Variants in CCDC7 observed in about 807,000 individuals in gnomAD.
The protein encoded by CCDC7 is coiled-coil domain-containing protein 7.
Under a neutral mutation model 196.9 loss-of-function variants are expected in CCDC7, and 183 were observed. The observed-to-expected ratio is 0.93, with a 90% CI of 0.82 to 1.05. The LOEUF is 1.05. Among genes scored for constraint, CCDC7 ranks in the 50% least tolerant of loss-of-function variants. The pLI is 0.00. For missense variants in CCDC7, 1,540 were observed against 1,482.2 expected (o/e 1.04, Z -0.64); for synonymous variants, 525 against 484.6 (o/e 1.08, Z -1.10).
chr10:32,863,340 A>G (rs2094077351), intron 41 of CCDC7, among the ~76,000 whole-genome samples: 1 of 151,988 alleles, frequency 6.6e-6, no homozygotes, highest in African/African-American at 2.4e-5. Flanking sequence ...CAGAAATCCA[A>G]ATGTTTATGG....
rs144667460 is a variant in CCDC7, at chr10:32,725,228, C to T, written c.2570-1506C>T. 9.1e-4 allele frequency: 382 copies of T among 421,918 alleles called. 1 individual carries two copies. In the Middle Eastern group the frequency reaches 0.012, roughly 13 times the overall value. The allele number at this position is 421,918 out of a possible 1,614,324, so 26.1% of individuals were successfully genotyped here. A position where few individuals can be genotyped will look rare whatever the true frequency, so the allele number is the denominator to read the frequency against. ...CTTTTGTATTTTGAATCCTTTCTCT[C>T]GAAGCACCAACTGATTTATGCAGTT... On this transcript the variant is annotated intron_variant, in intron 25 of 41. Coordinates refer to ENST00000639629, the Ensembl canonical transcript of CCDC7.
intron 32 of CCDC7, among the ~76,000 whole-genome samples, chr10:32,828,559 A>AAGAAGAAAG (rs1565636072): frequency 1.5e-5 from 2 of 133,108 alleles, no homozygotes; most frequent in South Asian, 2.4e-4. Flanking sequence ...GAAGAAGAAG[A>AAGAAGAAAG]AAGAAGAAGA....
At chr10:32,822,942 C>T (rs1177970625) in intron 31 of CCDC7, among the ~76,000 whole-genome samples, 1 of 152,132 alleles carries the variant, frequency 6.6e-6, no homozygotes, top group African/African-American at 2.4e-5. Context: ...CTCTAAAATG[C>T]TCTACTCATT....
chr10:32,443,979 T>C (rs957303707), upstream of CCDC7, among the ~76,000 whole-genome samples: 1 of 152,232 alleles, frequency 6.6e-6, no homozygotes, highest in African/African-American at 2.4e-5. Flanking sequence ...TTCTTTAATT[T>C]CTCTCAGTAA....
chr10:32,526,007 G>A (rs1047889214), intron 11 of CCDC7, among the ~76,000 whole-genome samples: 12 of 152,184 alleles, frequency 7.9e-5, no homozygotes, highest in African/African-American at 2.7e-4. Context: ...TTCCTTCAGG[G>A]TGGTGTGTTC....
chr10:32,498,363 G>A (rs1022722874), intron 9 of CCDC7, among the ~76,000 whole-genome samples: 1 of 151,952 alleles, frequency 6.6e-6, no homozygotes, highest in Non-Finnish European at 1.5e-5. Context: ...TTTTGATTGC[G>A]GCATTTAGCT....
At chr10:32,671,054 A>G (rs2073966706) in intron 21 of CCDC7, among the ~76,000 whole-genome samples, 1 of 152,128 alleles carries the variant, frequency 6.6e-6, no homozygotes, top group Non-Finnish European at 1.5e-5. Context: ...GTTACAGTAA[A>G]CTCAGGTTAA....
chr10:32,544,362 T>C, intron 13 of CCDC7, 61 bp downstream of exon 14: 3 of 1,510,886 alleles, frequency 2.0e-6, no homozygotes, highest in Non-Finnish European at 2.7e-6. Flanking sequence ...GATAGTCATA[T>C]ATAGAGAAAC....
chr10:32,841,513 C>T (rs530555359), intron 33 of CCDC7, among the ~76,000 whole-genome samples: 76 of 151,184 alleles, frequency 5.0e-4, no homozygotes, highest in African/African-American at 1.6e-3. Context: ...AAATCCTAGA[C>T]GACACAAACA....
At chr10:32,820,907 T>C (rs11009099) in intron 31 of CCDC7, among the ~76,000 whole-genome samples, 15,747 of 151,622 alleles carry the variant, frequency 0.1, 1,028 homozygotes, top group South Asian at 0.25. Context: ...TAGGCATGGG[T>C]AAGGACTTCA....
At chr10:32,714,479 T>TG in intron 25 of CCDC7, among the ~76,000 whole-genome samples, 1 of 152,280 alleles carries the variant, frequency 6.6e-6, no homozygotes, top group African/African-American at 2.4e-5. Flanking sequence ...GGCAGCTGTT[T>TG]GGGCAGACAC....
chr10:32,610,034 G>A (rs9338799), intron 18 of CCDC7, among the ~76,000 whole-genome samples: 20,754 of 151,462 alleles, frequency 0.14, 1,687 homozygotes, highest in East Asian at 0.25. Context: ...GTATGAGTGT[G>A]TGTGTGTGTG....
intron 29 of CCDC7, among the ~76,000 whole-genome samples, chr10:32,790,122 G>T (rs192152229): frequency 1.4e-3 from 219 of 152,184 alleles, no homozygotes; most frequent in Middle Eastern, 0.014. Context: ...TCCCAGACTG[G>T]CATTACACCT....
upstream of CCDC7, among the ~76,000 whole-genome samples, chr10:32,448,632 A>C (rs2032104767): frequency 6.6e-6 from 1 of 152,054 alleles, no homozygotes; most frequent in Admixed American, 6.5e-5. Context: ...AAATGTGCTA[A>C]CAGGATACCA....
chr10:32,842,742 CTATGGAA>C (rs2093049193), intron 33 of CCDC7, among the ~76,000 whole-genome samples: 1 of 151,918 alleles, frequency 6.6e-6, no homozygotes, highest in Non-Finnish European at 1.5e-5. Flanking sequence ...TGTGTATATA[CTATGGAA>C]TACTACTCAG....
At chr10:32,532,164 T>C (rs376336656) in intron 11 of CCDC7, among the ~76,000 whole-genome samples, 3 of 152,258 alleles carry the variant, frequency 2.0e-5, no homozygotes, top group African/African-American at 7.2e-5. Flanking sequence ...TTCCTTAACA[T>C]TGGCGTTTAT....
intron 11 of CCDC7, among the ~76,000 whole-genome samples, chr10:32,531,347 C>T (rs1325178768): frequency 6.6e-6 from 1 of 152,140 alleles, no homozygotes; most frequent in Non-Finnish European, 1.5e-5. Context: ...TTGTCTTGAA[C>T]TCCTGGATGG....
At chr10:32,525,883 T>C (rs1210042514) in intron 11 of CCDC7, among the ~76,000 whole-genome samples, 1 of 152,242 alleles carries the variant, frequency 6.6e-6, no homozygotes, top group Non-Finnish European at 1.5e-5. Flanking sequence ...CTCTCTCTGC[T>C]GAGCCATCTG....
chr10:32,682,441 A>T lies in CCDC7; in HGVS notation c.2123-3529A>T, dbSNP rs79355088. Among the ~76,000 whole-genome samples, 1,208 of 152,380 alleles carry T rather than the reference A, an allele frequency of 7.9e-3. 7 individuals are homozygous for T. Among genetic ancestry groups the T allele is most frequent in the Middle Eastern group, 0.02 (6 of 294 alleles). Reference sequence around the variant, plus strand: ...GGTTGATTCTGTCTTTGCTACTGTGAATAGTGCTGTGATGAACATGCACAT... The same window carrying T: ...GGTTGATTCTGTCTTTGCTACTGTGTATAGTGCTGTGATGAACATGCACAT... On this transcript the variant is annotated intron_variant, in intron 21 of 41. Coordinates refer to ENST00000639629, the Ensembl canonical transcript of CCDC7.
Sources: allele counts gnomAD v4.1 joint callset (sites outside exome capture counted in the v4.1 genomes callset), GRCh38; gene constraint gnomAD v4.1.1; transcripts MANE v1.5; gene names NCBI Gene and HGNC (gene_info 2026-07-23, HGNC 2026-07-21).